Variants in PRKG1 observed in about 807,000 individuals in gnomAD.
PRKG1 encodes protein kinase cGMP-dependent 1.
In PRKG1, 35 loss-of-function variants were observed where a neutral mutation model predicts 88.1. That is an observed-to-expected ratio of 0.40 (90% confidence interval 0.30 to 0.53). The LOEUF is 0.53. Ranked by LOEUF, PRKG1 falls within the 20% of genes least tolerant of loss-of-function variation. The pLI is 0.59. For synonymous variants in PRKG1, 303 were observed against 292.5 expected, an observed-to-expected ratio of 1.04 and a Z score of -0.37; for missense variants, 540 against 839.8, an observed-to-expected ratio of 0.64 and a Z score of 4.41.
chr10:51,488,500 T>C (rs1302361458), intron 3 of PRKG1, among the ~76,000 whole-genome samples: 3 of 152,134 alleles, frequency 2.0e-5, no homozygotes, highest in South Asian at 4.1e-4. Context: ...AATATTTTAT[T>C]TGGCTGATGG....
intron 5 of PRKG1, among the ~76,000 whole-genome samples, chr10:52,037,186 A>G (rs913209139): frequency 3.3e-5 from 5 of 152,034 alleles, no homozygotes; most frequent in Middle Eastern, 3.4e-3. Flanking sequence ...CCCGGGCTGC[A>G]GGCATTCCTT....
intron 1 of PRKG1, among the ~76,000 whole-genome samples, chr10:51,002,611 C>T (rs1842900880): frequency 6.6e-6 from 1 of 152,040 alleles, no homozygotes; most frequent in African/African-American, 2.4e-5. Flanking sequence ...ATCAATATTC[C>T]CTCAGAGAGT....
intron 3 of PRKG1, among the ~76,000 whole-genome samples, chr10:51,667,489 T>C (rs1840450216): frequency 1.3e-5 from 2 of 152,244 alleles, no homozygotes; most frequent in Non-Finnish European, 2.9e-5. Context: ...TAGGATTATA[T>C]GGCTGAATTA....
At chr10:52,077,987 A>C (rs1846673864) in intron 7 of PRKG1, among the ~76,000 whole-genome samples, 1 of 152,148 alleles carries the variant, frequency 6.6e-6, no homozygotes, top group Admixed American at 6.5e-5. Flanking sequence ...GCAGCAGTGG[A>C]TGACAGTTGT....
At chr10:51,456,194 T>C (rs929810263) in intron 2 of PRKG1, among the ~76,000 whole-genome samples, 4 of 152,148 alleles carry the variant, frequency 2.6e-5, no homozygotes, top group Non-Finnish European at 5.9e-5. Context: ...TCAGATCTCA[T>C]AAGACTTATT....
intron 3 of PRKG1, among the ~76,000 whole-genome samples, chr10:51,710,801 G>A (rs1841725611): frequency 6.6e-6 from 1 of 152,148 alleles, no homozygotes; most frequent in Non-Finnish European, 1.5e-5. Flanking sequence ...TAGAGTCAAT[G>A]TGCCTGTTGA....
At chr10:51,437,012 T>C (rs536266577) in intron 2 of PRKG1, among the ~76,000 whole-genome samples, 1 of 152,146 alleles carries the variant, frequency 6.6e-6, no homozygotes, top group Admixed American at 6.6e-5. Flanking sequence ...CATAATTGCC[T>C]TTCATCTCTT....
At position 51,176,589 on chromosome 10, in the gene PRKG1, AG is replaced by A. The variant is rs1309045287; in HGVS notation, c.478+23260del. On this transcript the variant is annotated intron_variant, in intron 2 of 17. Transcript: ENST00000373980. ...CAATCAAAAATTGTGAAAAGTTCAA[AG>A]ATGGAAAGAAACACTTACAATGAGG... Among the ~76,000 whole-genome samples the A allele has an allele frequency of 2.0e-5, 3 of 152,210 alleles. No homozygotes were observed. The East Asian group carries it at 5.8e-4, about 29-fold the overall frequency.
intron 4 of PRKG1, among the ~76,000 whole-genome samples, chr10:51,865,134 G>A (rs1840981575): frequency 6.6e-6 from 1 of 152,066 alleles, no homozygotes; most frequent in Non-Finnish European, 1.5e-5. Flanking sequence ...GAGAATACTT[G>A]TATTTCTTCA....
chr10:52,280,705 T>G (rs757499339), intron 12 of PRKG1, 84 bp from the exon 13 acceptor site: 8 of 1,449,022 alleles, frequency 5.5e-6, no homozygotes, highest in Non-Finnish European at 7.6e-6. Flanking sequence ...GGCAAAGGAA[T>G]ATAGTGAAAT....
At chr10:51,016,156 G>A (rs1298571145) in intron 1 of PRKG1, among the ~76,000 whole-genome samples, 1 of 152,168 alleles carries the variant, frequency 6.6e-6, no homozygotes, top group Admixed American at 6.5e-5. Flanking sequence ...ACATTTTACT[G>A]ATTGCATTGC....
chr10:51,600,023 G>T (rs928741884), intron 3 of PRKG1, among the ~76,000 whole-genome samples: 8 of 152,132 alleles, frequency 5.3e-5, no homozygotes, highest in African/African-American at 1.7e-4. Context: ...GATAACAGTT[G>T]ATTTATTTTG....
At chr10:51,281,365 G>T (rs1029948812) in intron 2 of PRKG1, among the ~76,000 whole-genome samples, 1 of 152,176 alleles carries the variant, frequency 6.6e-6, no homozygotes, top group South Asian at 2.1e-4. Flanking sequence ...TCCATACTGG[G>T]AGAACCACTA....
chr10:52,133,931 AT>A, intron 8 of PRKG1, 26 bp downstream of exon 8: 1 of 1,573,428 alleles, frequency 6.4e-7, no homozygotes, highest in Non-Finnish European at 8.7e-7. Flanking sequence ...TATTATGTGA[AT>A]TACACACTCA....
chr10:51,665,929 G>A (rs757216437), intron 3 of PRKG1, among the ~76,000 whole-genome samples: 9 of 152,066 alleles, frequency 5.9e-5, no homozygotes, highest in Non-Finnish European at 1.0e-4. Context: ...GTGTGTGTGT[G>A]TGTGTGTTTG....
chr10:51,743,863 A>G (rs1837511823), intron 3 of PRKG1, among the ~76,000 whole-genome samples: 1 of 148,078 alleles, frequency 6.8e-6, no homozygotes, highest in African/African-American at 2.5e-5. Flanking sequence ...GGGATTTCTG[A>G]TTTCTGATTG....
At chr10:52,274,338 T>G (rs1841814110) in intron 12 of PRKG1, among the ~76,000 whole-genome samples, 2 of 150,552 alleles carry the variant, frequency 1.3e-5, no homozygotes. Flanking sequence ...TGTATCCTCA[T>G]AGCTTAGCTC....
chr10:51,759,571 G>T (rs1837965775), intron 3 of PRKG1, among the ~76,000 whole-genome samples: 1 of 152,132 alleles, frequency 6.6e-6, no homozygotes, highest in East Asian at 1.9e-4. Flanking sequence ...ACCACGCCTG[G>T]CCTGATTTTT....
intron 5 of PRKG1, among the ~76,000 whole-genome samples, chr10:52,038,025 A>G (rs1215865438): frequency 6.6e-6 from 1 of 152,168 alleles, no homozygotes; most frequent in African/African-American, 2.4e-5. Flanking sequence ...TGGCTATTTT[A>G]CGACAAGAAT....
Sources: gnomAD v4.1 joint callset for allele counts (sites outside exome capture counted in the v4.1 genomes callset) on GRCh38, gnomAD v4.1.1 for gene constraint, MANE v1.5 for transcripts, NCBI Gene and HGNC (gene_info 2026-07-23, HGNC 2026-07-21) for gene names.